Variants in SMYD3 observed in about 807,000 individuals in gnomAD.
SMYD3 encodes histone-lysine N-methyltransferase SMYD3.
SMYD3 carries 36 observed loss-of-function variants against 57.7 expected under a neutral mutation model. The ratio of observed to expected loss-of-function variants is 0.62; its 90% confidence interval spans 0.48 to 0.82. SMYD3 has a LOEUF of 0.82. Among genes scored for constraint, SMYD3 ranks in the 40% least tolerant of loss-of-function variants. The pLI is 0.00. For synonymous variants in SMYD3, 211 were observed against 195.0 expected, an observed-to-expected ratio of 1.08 and a Z score of -0.68; for missense variants, 515 against 538.8, an observed-to-expected ratio of 0.96 and a Z score of 0.44.
intron 1 of SMYD3, among the ~76,000 whole-genome samples, chr1:246,391,406 GAAAGAGAGAGAAAA>G (rs2066566112): frequency 2.4e-5 from 1 of 41,564 alleles, no homozygotes; most frequent in Non-Finnish European, 5.2e-5. Flanking sequence ...GAGAGAGAGA[GAAAGAGAGAGAAAA>G]AGAGAGAGAG....
chr1:245,833,059 C>CAAAAAAAAAAAAAA (rs35215737), intron 10 of SMYD3, among the ~76,000 whole-genome samples: 10 of 40,844 alleles, frequency 2.4e-4, no homozygotes, highest in East Asian at 5.7e-4. Flanking sequence ...GAATATGTGA[C>CAAAAAAAAAAAAAA]AAAAAAAAAA....
chr1:246,182,642 G>A (rs1269128414), intron 5 of SMYD3, among the ~76,000 whole-genome samples: 4 of 152,170 alleles, frequency 2.6e-5, no homozygotes, highest in African/African-American at 9.7e-5. Context: ...GGTGCACTTT[G>A]TTGTTCTTCC....
rs112319008 is a variant in SMYD3, at chr1:246,458,713, G to A, written c.164+48341C>T. Reference sequence around the variant, plus strand: ...GATCTCCTGACCTCGTGATCCGCCCGCCTCAGCCTCCCAAAGTGCTGGGAT... The same window carrying A: ...GATCTCCTGACCTCGTGATCCGCCCACCTCAGCCTCCCAAAGTGCTGGGAT... On this transcript the variant is annotated intron_variant, in intron 1 of 11. Transcript: ENST00000490107. Among the ~76,000 whole-genome samples the A allele has an allele frequency of 8.1e-3, 1,112 of 136,872 alleles. 9 individuals carry two copies. Among genetic ancestry groups the A allele is most frequent in the African/African-American group, 0.028 (1,053 of 37,032 alleles). 89.8% of individuals were successfully genotyped at this position (136,872 alleles called of 152,430 possible).
At chr1:245,995,763 G>A (rs1238487003) in intron 5 of SMYD3, among the ~76,000 whole-genome samples, 2 of 152,156 alleles carry the variant, frequency 1.3e-5, no homozygotes, top group Non-Finnish European at 2.9e-5. Context: ...TTCCCCAGGA[G>A]GGGGATTTGG....
intron 5 of SMYD3, among the ~76,000 whole-genome samples, chr1:246,157,522 T>C (rs1461831108): frequency 6.6e-6 from 1 of 152,192 alleles, no homozygotes; most frequent in Non-Finnish European, 1.5e-5. Flanking sequence ...CTTTTAATCC[T>C]GTCCTTTGTC....
At chr1:245,953,580 T>G (rs1034358946) in intron 5 of SMYD3, among the ~76,000 whole-genome samples, 2 of 152,092 alleles carry the variant, frequency 1.3e-5, no homozygotes, top group African/African-American at 4.8e-5. Context: ...ACACCACGTC[T>G]GGCTAATTTT....
intron 1 of SMYD3, among the ~76,000 whole-genome samples, chr1:246,374,578 ATG>A (rs2066242526): frequency 7.0e-6 from 1 of 143,280 alleles, no homozygotes; most frequent in South Asian, 2.2e-4. Context: ...GTTGTAATAT[ATG>A]CCTCACAGAG....
In SMYD3 at chr1:246,335,399, C is replaced by T. The variant is rs771269963; in HGVS notation, c.304G>A (p.Val102Ile). Reference protein sequence around the residue: ...SCKPRYPPDSVRLLGRVVFKL... With the variant: ...SCKPRYPPDSIRLLGRVVFKL... ...AAGACAACTCTGCCAAGAAGTCGAA[C>T]GGAGTCTGGAGGATATCTGGGTTTG... Residue 102 changes from valine (V) to isoleucine (I), a missense_variant, in exon 3 of 12, where the codon GTT becomes ATT. Transcript: ENST00000490107. 1.1e-5 allele frequency: 18 copies of T among 1,614,032 alleles called. No homozygotes were observed. Among genetic ancestry groups the T allele is most frequent in the Admixed American group, 1.7e-5 (1 of 60,004 alleles).
At chr1:246,044,229 T>C (rs2059925307) in intron 5 of SMYD3, among the ~76,000 whole-genome samples, 1 of 152,188 alleles carries the variant, frequency 6.6e-6, no homozygotes, top group African/African-American at 2.4e-5. Context: ...ATTCATTACC[T>C]CAATTTAGTT....
chr1:246,258,467 CA>C (rs2063939588), intron 5 of SMYD3, among the ~76,000 whole-genome samples: 1 of 152,182 alleles, frequency 6.6e-6, no homozygotes, highest in African/African-American at 2.4e-5. Flanking sequence ...ATTTCTTCTT[CA>C]TTTATGAAGC....
At chr1:246,086,762 G>A (rs564691542) in intron 5 of SMYD3, among the ~76,000 whole-genome samples, 1 of 151,656 alleles carries the variant, frequency 6.6e-6, no homozygotes, top group East Asian at 1.9e-4. Context: ...ACATGTGCGG[G>A]ACCTGCAGGT....
intron 5 of SMYD3, among the ~76,000 whole-genome samples, chr1:246,066,735 GTATT>G (rs2060347186): frequency 6.6e-6 from 1 of 152,138 alleles, no homozygotes; most frequent in Non-Finnish European, 1.5e-5. Flanking sequence ...CTACTCACAG[GTATT>G]TATGTTAATT....
At chr1:246,242,305 A>G (rs1261357243) in intron 5 of SMYD3, among the ~76,000 whole-genome samples, 1 of 152,076 alleles carries the variant, frequency 6.6e-6, no homozygotes, top group Non-Finnish European at 1.5e-5. Context: ...CGTTCTCATC[A>G]GTTTCAAAGA....
rs2065890589 is a variant in SMYD3 at position 246,355,105 on chromosome 1, A to G, written c.165-11T>C. 2 of 1,614,000 alleles carry G rather than the reference A, an allele frequency of 1.2e-6. No individual in the cohort carries two copies. Among genetic ancestry groups the G allele is most frequent in the African/African-American group, 2.7e-5 (2 of 75,052 alleles). ...ATCAGCTTTTCCTTCCTGTGGGGAA[A>G]AAAATTAATTCTGCATTAAGAAATG... On this transcript the variant is annotated splice_polypyrimidine_tract_variant and intron_variant, in intron 1 of 11. Coordinates refer to ENST00000490107, the MANE Select transcript of SMYD3 (RefSeq NM_001167740.2). The surrounding 1 kb of genome is among the most constrained non-coding windows in gnomAD (Gnocchi z 5.0).
intron 5 of SMYD3, among the ~76,000 whole-genome samples, chr1:246,238,842 A>AAT (rs2063553600): frequency 6.6e-6 from 1 of 151,666 alleles, no homozygotes; most frequent in African/African-American, 2.4e-5. Flanking sequence ...TTACTTAACA[A>AAT]ATAGTTTTGG....
rs557078574 is a variant in SMYD3 at position 246,058,730 on chromosome 1, C to T, written c.532-128793G>A. On this transcript the variant is annotated intron_variant, in intron 5 of 11. Transcript: ENST00000490107. ...CAGAACTTATAGCAGCTCACAAAAGCAAAACCATTTTTATTGAGGAAACAA... is the reference window on the plus strand; with the variant it reads ...CAGAACTTATAGCAGCTCACAAAAGTAAAACCATTTTTATTGAGGAAACAA... Among the ~76,000 whole-genome samples the T allele has an allele frequency of 6.6e-5, 10 of 152,074 alleles. No homozygotes were observed. In the South Asian group the frequency reaches 1.9e-3, roughly 28 times the overall value.
chr1:246,443,544 C>T (rs1311664005), intron 1 of SMYD3, among the ~76,000 whole-genome samples: 2 of 152,150 alleles, frequency 1.3e-5, no homozygotes, highest in Non-Finnish European at 2.9e-5. Context: ...AGAAATAAGT[C>T]CTAACTCCTT....
intron 5 of SMYD3, among the ~76,000 whole-genome samples, chr1:246,286,193 A>G (rs1274628674): frequency 1.3e-5 from 2 of 152,238 alleles, no homozygotes; most frequent in South Asian, 4.1e-4. Context: ...TTCTGATTCT[A>G]AAGTAAAACC....
At chr1:245,802,505 A>T (rs927531056) in intron 10 of SMYD3, among the ~76,000 whole-genome samples, 4 of 152,336 alleles carry the variant, frequency 2.6e-5, no homozygotes, top group East Asian at 1.9e-4. Flanking sequence ...TTTTAAAAAG[A>T]TACATTTTGC....
Sources: gnomAD v4.1 joint callset for allele counts (sites outside exome capture counted in the v4.1 genomes callset) on GRCh38, gnomAD v4.1.1 for gene constraint, Gnocchi (gnomAD v3.1) non-coding constraint, MANE v1.5 for transcripts, NCBI Gene and HGNC (gene_info 2026-07-23, HGNC 2026-07-21) for gene names.